Variants in ESCO2 observed in about 807,000 individuals in gnomAD.
ESCO2 encodes the protein N-acetyltransferase ESCO2.
A neutral mutation model predicts 61.7 loss-of-function variants in ESCO2; 51 were observed. That is an observed-to-expected ratio of 0.83 (90% confidence interval 0.66 to 1.04). ESCO2 has a LOEUF of 1.04. Among genes scored for constraint, ESCO2 ranks in the 50% least tolerant of loss-of-function variants. The pLI is 0.00. For synonymous variants in ESCO2, 230 were observed against 238.2 expected, an observed-to-expected ratio of 0.97 and a Z score of 0.32; for missense variants, 692 against 686.2, an observed-to-expected ratio of 1.01 and a Z score of -0.09.
Position 27,803,618 on chromosome 8 carries a change from T to G in ESCO2, c.*180T>G. On this transcript the variant is annotated 3_prime_UTR_variant, in exon 11 of 11. Transcript: ENST00000305188. ...TCCTTATGAGTTGAAAAGTCAGGAATAAATTTGTTGAAAATTATCTGGGGA... is the reference window on the plus strand; with the variant it reads ...TCCTTATGAGTTGAAAAGTCAGGAAGAAATTTGTTGAAAATTATCTGGGGA... The G allele has an allele frequency of 7.3e-7, 1 of 1,373,344 alleles. No homozygotes were observed. 85.1% of individuals were successfully genotyped at this position (1,373,344 alleles called of 1,614,324 possible). A position where few individuals can be genotyped will look rare whatever the true frequency, so the allele number is the denominator to read the frequency against.
At chr8:27,785,987 TAAAC>T (rs1805032482) in intron 5 of ESCO2, among the ~76,000 whole-genome samples, 1 of 152,210 alleles carries the variant, frequency 6.6e-6, no homozygotes, top group Non-Finnish European at 1.5e-5. Context: ...GGTAGACATT[TAAAC>T]AAATATAGTG....
intron 9 of ESCO2, among the ~76,000 whole-genome samples, chr8:27,794,725 T>C (rs1481565591): frequency 1.3e-5 from 2 of 152,202 alleles, no homozygotes; most frequent in Non-Finnish European, 2.9e-5. Flanking sequence ...ATTTTAAGTC[T>C]TTCATCCATT....
intron 10 of ESCO2, among the ~76,000 whole-genome samples, chr8:27,800,349 T>C (rs1361732615): frequency 6.6e-6 from 1 of 152,142 alleles, no homozygotes; most frequent in East Asian, 1.9e-4. Context: ...CAAAGATAAA[T>C]TGCAAATGGT....
chr8:27,803,264 T>C lies in ESCO2; in HGVS notation c.1674-42T>C, dbSNP rs1216532760. ...ATTGTGCTCATGTTAATTAGAATGT[T>C]AAGTTGCTTCCATCATTAAATCATC... On this transcript the variant is annotated intron_variant, in intron 10 of 10. Transcript: ENST00000305188. 13 of 1,562,834 alleles carry C rather than the reference T, an allele frequency of 8.3e-6. No individual in the cohort carries two copies. In the South Asian group the frequency reaches 1.1e-4, roughly 13 times the overall value.
downstream of ESCO2, among the ~76,000 whole-genome samples, chr8:27,815,626 A>G (rs1805796131): frequency 6.6e-6 from 1 of 152,250 alleles, no homozygotes; most frequent in Admixed American, 6.5e-5. Flanking sequence ...GTGTGTGTAC[A>G]CATACATTCT....
chr8:27,784,034 T>G lies in ESCO2; in HGVS notation c.990T>G (p.Ser330Arg). The G allele has an allele frequency of 1.2e-6, 2 of 1,613,716 alleles. No homozygotes were observed. The highest frequency in any genetic ancestry group is 1.7e-6 in the Non-Finnish European group (2 of 1,179,712). Residue 330 changes from serine to arginine, a missense_variant, in exon 5 of 11, where the codon AGT (serine) becomes AGG (arginine). Coordinates refer to ENST00000305188, the MANE Select transcript of ESCO2 (RefSeq NM_001017420.3). ...SPKSTVYPIF[S>R]ASSVNSKRSL... ...AGTCCACTGTCTATCCAATCTTCAG[T>G]GCATCTTCAGTCAATTCAAAAAGGT...
chr8:27,810,193 T>C, downstream of ESCO2: 1 of 708,046 alleles, frequency 1.4e-6, no homozygotes, highest in Non-Finnish European at 2.5e-6. Flanking sequence ...AACAAGAAAC[T>C]ATGGTCCTCA....
chr8:27,776,473 T>A lies in ESCO2; in HGVS notation c.165T>A (p.Phe55Leu). The stretch of plus-strand genomic sequence containing the variant: ...TGCATTGCTCTCAACAAGAGCATTT[T>A]GTTTTAAGTGCGCTCAAAACAACTG... ...ENLHCSQQEH[F>L]VLSALKTTEI... is the part of the protein sequence containing the mutation. Residue 55 changes from phenylalanine (F) to leucine (L), a missense_variant, in exon 3 of 11, where the codon TTT (phenylalanine) becomes TTA (leucine). Physicochemically the swap from Phe to Leu is conservative, Grantham distance 22 (BLOSUM62 0). Transcript: ENST00000305188. 3 of 1,611,760 alleles carry A rather than the reference T, an allele frequency of 1.9e-6. No homozygotes were observed. The highest frequency in any genetic ancestry group is 2.5e-6 in the Non-Finnish European group (3 of 1,179,362).
intron 9 of ESCO2, among the ~76,000 whole-genome samples, chr8:27,795,550 A>G (rs1805275817): frequency 6.6e-6 from 1 of 152,180 alleles, no homozygotes; most frequent in African/African-American, 2.4e-5. Context: ...AACTATGTAG[A>G]ATAGAAATGA....
chr8:27,792,963 C>T (rs1313424622), intron 9 of ESCO2, 152 bp downstream of exon 9: 1 of 969,350 alleles, frequency 1.0e-6, no homozygotes, highest in Non-Finnish European at 1.4e-6. Flanking sequence ...TTATTTATTT[C>T]CATTAATATT....
chr8:27,787,571 G>C (rs535404049), intron 5 of ESCO2, among the ~76,000 whole-genome samples: 61 of 152,172 alleles, frequency 4.0e-4, no homozygotes, highest in African/African-American at 1.5e-3. Flanking sequence ...TTTTTTTAAA[G>C]GGCAAAGTCA....
chr8:27,794,433 G>A (rs1206661207), intron 9 of ESCO2, among the ~76,000 whole-genome samples: 1 of 151,892 alleles, frequency 6.6e-6, no homozygotes, highest in Non-Finnish European at 1.5e-5. Flanking sequence ...CTGGTTCTTT[G>A]CCCATTTTTT....
intron 4 of ESCO2, among the ~76,000 whole-genome samples, chr8:27,783,030 T>G (rs1313564931): frequency 6.6e-6 from 1 of 152,202 alleles, no homozygotes; most frequent in East Asian, 1.9e-4. Flanking sequence ...CTTTGTGATT[T>G]TTACAGTTCT....
chr8:27,817,246 A>C (rs1225441281), downstream of ESCO2, among the ~76,000 whole-genome samples: 1 of 152,090 alleles, frequency 6.6e-6, no homozygotes, highest in Non-Finnish European at 1.5e-5. Flanking sequence ...TCTATTGAAA[A>C]TACTCTCATA....
intron 4 of ESCO2, among the ~76,000 whole-genome samples, chr8:27,783,614 T>A (rs939361200): frequency 6.8e-5 from 10 of 148,090 alleles, no homozygotes; most frequent in African/African-American, 8.0e-5. Context: ...TTATTATTAA[T>A]TTTTTTACAG....
chr8:27,802,168 T>C (rs994242125), intron 10 of ESCO2, among the ~76,000 whole-genome samples: 5 of 151,648 alleles, frequency 3.3e-5, no homozygotes, highest in Non-Finnish European at 5.9e-5. Flanking sequence ...ACAAACAAGC[T>C]GTAGGAGATG....
In ESCO2 at chr8:27,776,484, C is replaced by T. The variant is rs539123311; in HGVS notation, c.176C>T (p.Ala59Val). The change falls in exon 3 of 11, where the codon GCG (alanine) becomes GTG (valine). Residue 59 changes from alanine (A) to valine (V), a missense_variant. By Grantham distance (64) the Ala-to-Val change is moderately conservative. Coordinates refer to ENST00000305188, the MANE Select transcript of ESCO2 (RefSeq NM_001017420.3). ...CSQQEHFVLS[A>V]LKTTEINRLP... The stretch of plus-strand genomic sequence containing the variant: ...CAACAAGAGCATTTTGTTTTAAGTG[C>T]GCTCAAAACAACTGAAATAAATAGA... The T allele has an allele frequency of 1.1e-5, 18 of 1,612,624 alleles. No homozygotes were observed. Among genetic ancestry groups the T allele is most frequent in the Middle Eastern group, 1.7e-4 (1 of 6,058 alleles).
downstream of ESCO2, chr8:27,811,208 G>A: frequency 1.5e-6 from 2 of 1,357,498 alleles, no homozygotes; most frequent in Non-Finnish European, 2.1e-6. Flanking sequence ...AGGGAAACAG[G>A]CGAACGATTT....
intron 7 of ESCO2, 36 bp downstream of exon 7, chr8:27,789,014 A>G: frequency 6.2e-7 from 1 of 1,613,414 alleles, no homozygotes. Context: ...TTGTTCTAGA[A>G]GTAAAACTAA....
Sources: allele counts gnomAD v4.1 joint callset (sites outside exome capture counted in the v4.1 genomes callset), GRCh38; gene constraint gnomAD v4.1.1; transcripts MANE v1.5; gene names NCBI Gene and HGNC (gene_info 2026-07-23, HGNC 2026-07-21).